Variants in DOCK8 observed in about 807,000 individuals in gnomAD.
DOCK8 encodes dedicator of cytokinesis 8.
A neutral mutation model predicts 245.6 loss-of-function variants in DOCK8; 141 were observed. The observed-to-expected ratio is 0.57, with a 90% CI of 0.50 to 0.66. The LOEUF (loss-of-function observed/expected upper bound fraction) is 0.66, where lower values mean the gene tolerates loss of function less well. Among genes scored for constraint, DOCK8 ranks in the 30% least tolerant of loss-of-function variants. The probability of loss-of-function intolerance (pLI) is 0.00; values close to 1 mark genes in which losing one functional copy is unlikely to be tolerated. For synonymous variants in DOCK8, 1,168 were observed against 970.2 expected (o/e 1.20, Z -3.79); for missense variants, 2,965 against 2,603.4 (o/e 1.14, Z -3.02).
chr9:331,357 T>A (rs1217744138), intron 9 of DOCK8, among the ~76,000 whole-genome samples: 8 of 152,216 alleles, frequency 5.3e-5, no homozygotes, highest in Non-Finnish European at 1.2e-4. Flanking sequence ...TTGAACTTCT[T>A]TGATGAGAAG....
Position 414,876 on chromosome 9 carries a change from G to C in DOCK8, c.3625G>C (p.Val1209Leu), listed in dbSNP as rs1370346669. 2 of 1,614,080 alleles carry C rather than the reference G, an allele frequency of 1.2e-6. No homozygotes were observed. The highest frequency in any genetic ancestry group is 2.7e-5 in the African/African-American group (2 of 74,922). The change falls in exon 29 of 48, where the codon GTC becomes CTC. Residue 1209 changes from valine (V) to leucine (L), a missense_variant. Val to Leu is a conservative substitution (Grantham distance 32). This residue lies in a region of DOCK8 where 2,825 missense variants were observed against 2,453.5 expected (regional missense o/e 1.15). Coordinates refer to ENST00000432829, the MANE Select transcript of DOCK8 (RefSeq NM_203447.4). ...ACGCTGTGTCAAACCAGAGGTGAAG[G>C]TCAAAATCGCCGCCCTTTACCTACC... ...DPRCVKPEVK[V>L]KIAALYLPLV...
chr9:269,406 A>G (rs2048106054), intron 1 of DOCK8, among the ~76,000 whole-genome samples: 1 of 152,122 alleles, frequency 6.6e-6, no homozygotes, highest in Non-Finnish European at 1.5e-5. Flanking sequence ...TTTATTGCTG[A>G]GTAATTTTCC....
chr9:239,292 G>A (rs2047329680), intron 1 of DOCK8, among the ~76,000 whole-genome samples: 1 of 152,144 alleles, frequency 6.6e-6, no homozygotes, highest in Non-Finnish European at 1.5e-5. Context: ...AAGGAAAGTT[G>A]GACTTTAAAT....
chr9:269,705 G>A (rs746376270), intron 1 of DOCK8, among the ~76,000 whole-genome samples: 8 of 151,830 alleles, frequency 5.3e-5, no homozygotes, highest in African/African-American at 1.5e-4. Flanking sequence ...ACAGGCACAC[G>A]CCACCACACC....
At chr9:347,650 G>C (rs1029263435) in intron 14 of DOCK8, among the ~76,000 whole-genome samples, 5 of 152,144 alleles carry the variant, frequency 3.3e-5, no homozygotes, top group African/African-American at 1.2e-4. Context: ...TGGCAGCCCA[G>C]GCAAAATCTA....
intron 1 of DOCK8, among the ~76,000 whole-genome samples, chr9:224,904 G>A (rs1284134229): frequency 6.6e-6 from 1 of 152,114 alleles, no homozygotes; most frequent in African/African-American, 2.4e-5. Context: ...TTAAGATGAT[G>A]GCCATCTGTT....
chr9:313,718 C>A (rs1284151200), intron 6 of DOCK8, among the ~76,000 whole-genome samples: 8 of 152,184 alleles, frequency 5.3e-5, no homozygotes, highest in Non-Finnish European at 1.2e-4. Context: ...TAATGTGTTA[C>A]ATATTTCAAA....
intron 14 of DOCK8, among the ~76,000 whole-genome samples, chr9:347,286 T>C (rs1408601384): frequency 6.6e-6 from 1 of 152,098 alleles, no homozygotes; most frequent in Non-Finnish European, 1.5e-5. Flanking sequence ...GGAGGATCCA[T>C]TGAGCCCAGG....
rs58484576 is a variant in DOCK8, at chr9:416,609, T to G, written c.3701-1459T>G. Among the ~76,000 whole-genome samples the G allele has an allele frequency of 5.1e-3, 770 of 152,318 alleles. 9 individuals are homozygous for G. Among genetic ancestry groups the G allele is most frequent in the African/African-American group, 0.018 (746 of 41,574 alleles). ...AGTACATCTATTAAATATGGAATCT[T>G]TAGGTTGATAAACTCATAAGAATAC... On this transcript the variant is annotated intron_variant, in intron 29 of 47. Coordinates refer to ENST00000432829, the MANE Select transcript of DOCK8 (RefSeq NM_203447.4).
Position 377,189 on chromosome 9 carries a change from C to A in DOCK8, c.2418C>A (p.Pro806=), listed in dbSNP as rs2053555724. 6.3e-7 allele frequency: 1 copy of A among 1,597,818 alleles called. No homozygotes were observed. Among genetic ancestry groups the A allele is most frequent in the South Asian group, 1.1e-5 (1 of 90,094 alleles). The stretch of plus-strand genomic sequence containing the variant: ...AGCTCTTCCAGCTGTCCGTGCAGCC[C>A]ATGGTCATCGCTGGCCAGACAGGTA... ...LDKLFQLSVQ[P]MVIAGQTANF... The change falls in exon 20 of 48, where the codon CCC becomes CCA. Residue 806 remains proline (P), a synonymous_variant. Transcript: ENST00000432829.
chr9:254,148 C>G (rs2047715503), intron 1 of DOCK8, among the ~76,000 whole-genome samples: 1 of 152,254 alleles, frequency 6.6e-6, no homozygotes, highest in African/African-American at 2.4e-5. Flanking sequence ...AGTAACCAGA[C>G]CCAGGGCAGA....
At chr9:426,482 A>G (rs1453292735) in intron 33 of DOCK8, among the ~76,000 whole-genome samples, 1 of 152,166 alleles carries the variant, frequency 6.6e-6, no homozygotes, top group Non-Finnish European at 1.5e-5. Flanking sequence ...TCTCTCTCGC[A>G]TGTTGCAGGG....
chr9:277,460 A>AGAAGAGAAG (rs1554651533), intron 2 of DOCK8, among the ~76,000 whole-genome samples: 2 of 60,748 alleles, frequency 3.3e-5, no homozygotes, highest in Admixed American at 3.2e-4. Flanking sequence ...AGAGAAAGAG[A>AGAAGAGAAG]GAAGAGAAGA....
At chr9:395,489 C>T (rs766917241) in intron 24 of DOCK8, among the ~76,000 whole-genome samples, 5 of 151,994 alleles carry the variant, frequency 3.3e-5, no homozygotes, top group Non-Finnish European at 4.4e-5. Flanking sequence ...CTTCCAGTCT[C>T]AACACAGAGG....
chr9:446,656 C>G (rs752768973), intron 44 of DOCK8, 50 bp downstream of exon 44: 25 of 1,564,782 alleles, frequency 1.6e-5, no homozygotes, highest in Non-Finnish European at 2.1e-5. Flanking sequence ...GCTGGGTGGC[C>G]TCCCAGGAGG....
intron 28 of DOCK8, among the ~76,000 whole-genome samples, chr9:407,439 T>G (rs932081989): frequency 2.0e-5 from 3 of 152,218 alleles, no homozygotes; most frequent in Non-Finnish European, 4.4e-5. Context: ...AAGATGTCAC[T>G]TGGTTCAAAG....
chr9:450,101 C>G (rs542428808), intron 45 of DOCK8, among the ~76,000 whole-genome samples, 174 bp downstream of exon 45: 1 of 152,212 alleles, frequency 6.6e-6, no homozygotes, highest in Non-Finnish European at 1.5e-5. Context: ...TAGGAAACCT[C>G]TTCCCTTTCA....
intron 14 of DOCK8, among the ~76,000 whole-genome samples, chr9:346,261 C>G (rs1164873088): frequency 6.6e-6 from 1 of 152,168 alleles, no homozygotes; most frequent in East Asian, 1.9e-4. Context: ...CCTAGGAACA[C>G]ATTTGCACCA....
chr9:346,806 A>C (rs1015558124), intron 14 of DOCK8, among the ~76,000 whole-genome samples: 1 of 152,204 alleles, frequency 6.6e-6, no homozygotes, highest in African/African-American at 2.4e-5. Flanking sequence ...GCATGCATGC[A>C]GGACCTGACC....
Sources: allele counts gnomAD v4.1 joint callset (sites outside exome capture counted in the v4.1 genomes callset), GRCh38; gene constraint gnomAD v4.1.1; regional missense constraint gnomAD v4.1.1; transcripts MANE v1.5; gene names NCBI Gene and HGNC (gene_info 2026-07-23, HGNC 2026-07-21).